EYA3: variants seen among roughly 807,000 people sequenced by gnomAD.
The protein encoded by EYA3 is protein phosphatase EYA3.
A neutral mutation model predicts 80.0 loss-of-function variants in EYA3; 39 were observed. That is an observed-to-expected ratio of 0.49 (90% confidence interval 0.38 to 0.64). EYA3 has a LOEUF of 0.64. Ranked by LOEUF, EYA3 falls within the 30% of genes least tolerant of loss-of-function variation. The probability of loss-of-function intolerance (pLI) is 0.00; values close to 1 mark genes in which losing one functional copy is unlikely to be tolerated. For synonymous variants in EYA3, 206 were observed against 232.8 expected, an observed-to-expected ratio of 0.88 and a Z score of 1.05; for missense variants, 523 against 676.1, an observed-to-expected ratio of 0.77 and a Z score of 2.51.
At chr1:28,083,432 A>C (rs1645501686) in intron 1 of EYA3, among the ~76,000 whole-genome samples, 1 of 152,168 alleles carries the variant, frequency 6.6e-6, no homozygotes, top group Non-Finnish European at 1.5e-5. Context: ...AGGCAGGAGA[A>C]TCACTTGAGC....
At chr1:28,008,672 A>G (rs1641473338) in intron 10 of EYA3, among the ~76,000 whole-genome samples, 1 of 152,178 alleles carries the variant, frequency 6.6e-6, no homozygotes, top group Non-Finnish European at 1.5e-5. Context: ...AAGTGGGCAA[A>G]GGTTCTCATG....
chr1:28,078,419 T>C (rs977336668), intron 1 of EYA3, among the ~76,000 whole-genome samples: 1 of 152,220 alleles, frequency 6.6e-6, no homozygotes, highest in Non-Finnish European at 1.5e-5. Context: ...ACAGAACTCA[T>C]CATAGTCACA....
intron 13 of EYA3, among the ~76,000 whole-genome samples, chr1:27,996,444 T>C: frequency 6.6e-6 from 1 of 152,174 alleles, no homozygotes; most frequent in South Asian, 2.1e-4. Flanking sequence ...GAGCAGAATA[T>C]AAACTCTTCA....
At chr1:28,025,477 G>A (rs1642721850) in intron 7 of EYA3, among the ~76,000 whole-genome samples, 2 of 152,270 alleles carry the variant, frequency 1.3e-5, no homozygotes, top group South Asian at 2.1e-4. Context: ...TGCTAATACT[G>A]TGACTATGGA....
At chr1:28,025,133 T>C (rs897533224) in intron 7 of EYA3, among the ~76,000 whole-genome samples, 1 of 152,186 alleles carries the variant, frequency 6.6e-6, no homozygotes, top group Non-Finnish European at 1.5e-5. Flanking sequence ...GTAATATTGA[T>C]AGTGGTGAAC....
At position 27,976,977 on chromosome 1, in the gene EYA3, C is replaced by G. The variant is rs545376160; in HGVS notation, c.1641+1397G>C. The G allele has an allele frequency of 4.0e-5, 39 of 978,986 alleles. No individual in the cohort carries two copies. In the African/African-American group the frequency reaches 6.6e-4, roughly 17 times the overall value. 60.6% of individuals were successfully genotyped at this position (978,986 alleles called of 1,614,324 possible). On this transcript the variant is annotated intron_variant, in intron 17 of 17. Coordinates refer to ENST00000373871, the MANE Select transcript of EYA3 (RefSeq NM_001990.4). The stretch of plus-strand genomic sequence containing the variant: ...AGGTGATTTGCCTGCCTCAGCCTCC[C>G]CAAGTGCTAGGATTATAGGCATGAG...
intron 1 of EYA3, among the ~76,000 whole-genome samples, chr1:28,078,330 G>T (rs1645295700): frequency 6.6e-6 from 1 of 152,064 alleles, no homozygotes; most frequent in East Asian, 1.9e-4. Flanking sequence ...TTCCCTACAG[G>T]TCCTCAAGAC....
intron 1 of EYA3, among the ~76,000 whole-genome samples, chr1:28,061,591 GTTT>G (rs61325259): frequency 2.1e-5 from 3 of 144,906 alleles, no homozygotes; most frequent in Non-Finnish European, 3.0e-5. Flanking sequence ...AATTTAACGT[GTTT>G]TTTTTTTTTG....
At chr1:28,039,057 C>A in intron 4 of EYA3, 152 bp from the exon 5 acceptor site, 1 of 471,904 alleles carries the variant, frequency 2.1e-6, no homozygotes, top group Non-Finnish European at 3.7e-6. Context: ...GAAAATATCT[C>A]ACTTTTTTGT....
At position 28,013,025 on chromosome 1, in the gene EYA3, A is replaced by G; in HGVS notation, c.769+86T>C. ...AAGCATGGTAACAATGACTTAAGACAGAACAAAATCATCCTTACCATTGCC... is the reference window on the plus strand; with the variant it reads ...AAGCATGGTAACAATGACTTAAGACGGAACAAAATCATCCTTACCATTGCC... On this transcript the variant is annotated intron_variant, in intron 9 of 17. Coordinates refer to ENST00000373871, the MANE Select transcript of EYA3 (RefSeq NM_001990.4). This position sits in a 1 kb window ranked among gnomAD's most constrained non-coding sequence, Gnocchi z 4.0. The G allele has an allele frequency of 7.1e-7, 1 of 1,405,000 alleles. No homozygotes were observed. Among genetic ancestry groups the G allele is most frequent in the South Asian group, 1.3e-5 (1 of 75,286 alleles). The allele number at this position is 1,405,000 out of a possible 1,614,324, so 87.0% of individuals were successfully genotyped here. A position where few individuals can be genotyped will look rare whatever the true frequency, so the allele number is the denominator to read the frequency against.
chr1:28,039,308 T>A (rs929207319), intron 4 of EYA3, among the ~76,000 whole-genome samples: 1 of 152,210 alleles, frequency 6.6e-6, no homozygotes, highest in Admixed American at 6.5e-5. Context: ...CTATATTGAG[T>A]AAAAGCCTTA....
chr1:28,060,457 ATG>A (rs776375745), intron 1 of EYA3, among the ~76,000 whole-genome samples: 8 of 152,198 alleles, frequency 5.3e-5, no homozygotes, highest in Non-Finnish European at 2.9e-5. Context: ...TTATCAATAA[ATG>A]TTAAAATATT....
intron 1 of EYA3, among the ~76,000 whole-genome samples, chr1:28,064,418 C>G (rs113658949): frequency 0.016 from 2,267 of 142,228 alleles, 50 homozygotes; most frequent in Middle Eastern, 0.048. Context: ...TGCGAGACAG[C>G]GAGACTCTGC....
At chr1:28,039,731 C>T (rs1462531574) in intron 4 of EYA3, among the ~76,000 whole-genome samples, 1 of 152,170 alleles carries the variant, frequency 6.6e-6, no homozygotes, top group African/African-American at 2.4e-5. Flanking sequence ...GAGGGGCCAA[C>T]TCAAATGCTC....
chr1:28,020,819 G>A (rs1027043117), intron 7 of EYA3, among the ~76,000 whole-genome samples: 3 of 151,990 alleles, frequency 2.0e-5, no homozygotes, highest in Non-Finnish European at 4.4e-5. Context: ...CTCAAGTGCT[G>A]GCTCCTATTA....
intron 1 of EYA3, among the ~76,000 whole-genome samples, chr1:28,084,553 C>CAAAA (rs1265751561): frequency 1.6e-5 from 1 of 63,328 alleles, no homozygotes; most frequent in African/African-American, 6.2e-5. Context: ...TTGACTATTC[C>CAAAA]AAAATATATA....
At chr1:27,987,130 C>T (rs150964819) in intron 16 of EYA3, among the ~76,000 whole-genome samples, 3 of 152,328 alleles carry the variant, frequency 2.0e-5, no homozygotes, top group Admixed American at 1.3e-4. Flanking sequence ...TCCCCTCCAG[C>T]CTCTGGCAAT....
At chr1:27,977,835 G>T (rs971535806) in intron 17 of EYA3, among the ~76,000 whole-genome samples, 6 of 140,706 alleles carry the variant, frequency 4.3e-5, no homozygotes, top group African/African-American at 1.3e-4. Flanking sequence ...GAGATAGAGT[G>T]AGACTCTATC....
At chr1:27,975,831 G>C (rs1638907481) in intron 17 of EYA3, among the ~76,000 whole-genome samples, 1 of 151,882 alleles carries the variant, frequency 6.6e-6, no homozygotes, top group African/African-American at 2.4e-5. Flanking sequence ...TTTTGAGACA[G>C]AGTCTCACTC....
Sources: gnomAD v4.1 joint callset for allele counts (sites outside exome capture counted in the v4.1 genomes callset) on GRCh38, gnomAD v4.1.1 for gene constraint, Gnocchi (gnomAD v3.1) non-coding constraint, MANE v1.5 for transcripts, NCBI Gene and HGNC (gene_info 2026-07-23, HGNC 2026-07-21) for gene names.